CDC42EP3: variants seen among roughly 807,000 people sequenced by gnomAD.
CDC42EP3 encodes the protein CDC42 effector protein (Rho GTPase binding) 3.
CDC42EP3 carries 4 observed loss-of-function variants against 15.5 expected under a neutral mutation model. The ratio of observed to expected loss-of-function variants is 0.26; its 90% CI spans 0.13 to 0.59. The LOEUF is 0.59. Among genes scored for constraint, CDC42EP3 ranks in the 20% least tolerant of loss-of-function variants. The pLI is 0.89. For missense variants in CDC42EP3, 309 were observed against 311.2 expected (o/e 0.99, Z 0.05); for synonymous variants, 145 against 130.3 (o/e 1.11, Z -0.77).
intron 1 of CDC42EP3, among the ~76,000 whole-genome samples, chr2:37,665,120 C>T (rs994057600): frequency 1.3e-5 from 1 of 76,316 alleles, no homozygotes; most frequent in African/African-American, 5.9e-5. Flanking sequence ...CCTTAATAAA[C>T]TCCCCTTTAT....
intron 1 of CDC42EP3, among the ~76,000 whole-genome samples, chr2:37,670,956 G>T (rs908818587): frequency 1.3e-5 from 2 of 149,022 alleles, no homozygotes; most frequent in African/African-American, 4.9e-5. Flanking sequence ...TCTGCAGGTT[G>T]GCGCCCCACT....
chr2:37,658,096 C>T (rs1346943557), intron 1 of CDC42EP3, among the ~76,000 whole-genome samples: 1 of 152,106 alleles, frequency 6.6e-6, no homozygotes, highest in African/African-American at 2.4e-5. Flanking sequence ...ATGGCTGCTG[C>T]CCATCCCCCA....
Position 37,646,589 on chromosome 2 carries a change from T to G in CDC42EP3, c.-2A>C. The G allele has an allele frequency of 3.3e-6, 5 of 1,530,426 alleles. No homozygotes were observed. The highest frequency in any genetic ancestry group is 4.4e-6 in the Non-Finnish European group (5 of 1,143,272). The allele number at this position is 1,530,426 out of a possible 1,614,324, so 94.8% of individuals were successfully genotyped here. A position where few individuals can be genotyped will look rare whatever the true frequency, so the allele number is the denominator to read the frequency against. On this transcript the variant is annotated 5_prime_UTR_variant, in exon 2 of 2. Coordinates refer to ENST00000295324, the MANE Select transcript of CDC42EP3 (RefSeq NM_006449.5). ...GTAAATTGGGGTCTTGGCTGGCATT[T>G]TGGAATTTGAGAATGTCTATTTTGC... is the stretch of plus-strand genomic sequence containing the variant.
rs1444882345 is a variant in CDC42EP3, at chr2:37,643,605, T to C, written c.*2218A>G. ...AATGCACAGCCATACTCCTCCCCTT[T>C]TCATGAAATAGTTTCATCTTTACCT... is the stretch of plus-strand genomic sequence containing the variant. On this transcript the variant is annotated 3_prime_UTR_variant, in exon 2 of 2. Transcript: ENST00000295324. 2.0e-5 allele frequency: 3 copies of C among 152,186 alleles called. No homozygotes were observed. Among genetic ancestry groups the C allele is most frequent in the Non-Finnish European group, 2.9e-5 (2 of 68,050 alleles). 9.4% of individuals were successfully genotyped at this position (152,186 alleles called of 1,614,324 possible).
Position 37,646,379 on chromosome 2 carries a change from T to C in CDC42EP3, c.209A>G (p.Gln70Arg). ...QGNYELLPGN[Q>R]EKAHLGQFPG... ...GAACTGGCCCAGGTGTGCTTTCTCCTGGTTTCCAGGTAAAAGCTCGTAGTT... is the reference window on the plus strand; with the variant it reads ...GAACTGGCCCAGGTGTGCTTTCTCCCGGTTTCCAGGTAAAAGCTCGTAGTT... Residue 70 changes from glutamine to arginine, a missense_variant, in exon 2 of 2, where the codon CAG becomes CGG. Physicochemically the swap from Gln to Arg is conservative, Grantham distance 43. Coordinates refer to ENST00000295324, the MANE Select transcript of CDC42EP3 (RefSeq NM_006449.5). The C allele has an allele frequency of 6.2e-7, 1 of 1,614,026 alleles. No homozygotes were observed.
At chr2:37,667,013 T>C (rs1004187684) in intron 1 of CDC42EP3, among the ~76,000 whole-genome samples, 2 of 152,168 alleles carry the variant, frequency 1.3e-5, no homozygotes, top group African/African-American at 4.8e-5. Flanking sequence ...GACTGTCCTT[T>C]CCAGAACCCT....
At chr2:37,663,470 G>A (rs1258714483) in intron 1 of CDC42EP3, among the ~76,000 whole-genome samples, 8 of 152,230 alleles carry the variant, frequency 5.3e-5, no homozygotes, top group Admixed American at 4.6e-4. Context: ...GGACACATGG[G>A]TGCCAAGTTG....
intron 1 of CDC42EP3, among the ~76,000 whole-genome samples, chr2:37,659,572 AGT>A (rs1351402157): frequency 2.6e-5 from 4 of 152,372 alleles, no homozygotes; most frequent in South Asian, 4.1e-4. Flanking sequence ...ATGTGCAAAT[AGT>A]GTCTTAGGTA....
intron 1 of CDC42EP3, among the ~76,000 whole-genome samples, chr2:37,649,821 G>A (rs76866861): frequency 0.013 from 1,911 of 152,252 alleles, 29 homozygotes; most frequent in African/African-American, 0.043. Flanking sequence ...GAGGGAAGCA[G>A]CAAAGAAAAA....
At chr2:37,656,448 G>A (rs191918750) in intron 1 of CDC42EP3, among the ~76,000 whole-genome samples, 10 of 152,256 alleles carry the variant, frequency 6.6e-5, no homozygotes, top group African/African-American at 2.2e-4. Flanking sequence ...TTGCTCCCGG[G>A]GGCCAAACCC....
chr2:37,648,480 A>AACTC (rs1335095095), intron 1 of CDC42EP3, among the ~76,000 whole-genome samples: 4 of 152,348 alleles, frequency 2.6e-5, no homozygotes, highest in Admixed American at 1.3e-4. Context: ...AGTAACAGCT[A>AACTC]ACTCAATTTG....
At chr2:37,667,246 T>C (rs1020705710) in intron 1 of CDC42EP3, among the ~76,000 whole-genome samples, 1 of 152,212 alleles carries the variant, frequency 6.6e-6, no homozygotes, top group Non-Finnish European at 1.5e-5. Context: ...GCCCAGTGCC[T>C]TTCTGTTCAC....
intron 1 of CDC42EP3, among the ~76,000 whole-genome samples, chr2:37,650,639 G>A (rs1045953761): frequency 6.6e-6 from 1 of 152,198 alleles, no homozygotes; most frequent in African/African-American, 2.4e-5. Flanking sequence ...TACCAAGCAC[G>A]AAGCCACATG....
In CDC42EP3 at chr2:37,642,314, G is replaced by C. The variant is rs1158647449; in HGVS notation, c.*3509C>G. The stretch of plus-strand genomic sequence containing the variant: ...TAATTTTGGGTATTCTGGCCTTCCT[G>C]AATCTCATACAGCCAAACCAACCAG... On this transcript the variant is annotated 3_prime_UTR_variant, in exon 2 of 2. Transcript: ENST00000295324. 6.6e-6 allele frequency: 1 copy of C among 152,184 alleles called. No individual in the cohort carries two copies. Among genetic ancestry groups the C allele is most frequent in the Non-Finnish European group, 1.5e-5 (1 of 68,036 alleles). 9.4% of individuals were successfully genotyped at this position (152,184 alleles called of 1,614,324 possible).
rs180732829 is a variant in CDC42EP3, at chr2:37,643,635, G to A, written c.*2188C>T. 6.0e-4 allele frequency: 91 copies of A among 152,268 alleles called. No individual in the cohort carries two copies. Among genetic ancestry groups the A allele is most frequent in the African/African-American group, 2.0e-3 (83 of 41,550 alleles). The allele number at this position is 152,268 out of a possible 1,614,324, so 9.4% of individuals were successfully genotyped here. On this transcript the variant is annotated 3_prime_UTR_variant, in exon 2 of 2. Coordinates refer to ENST00000295324, the MANE Select transcript of CDC42EP3 (RefSeq NM_006449.5). ...GAAATAGTTTCATCTTTACCTTGAG[G>A]TCACGCTACAGATGAAGAGTAAAAT... is the stretch of plus-strand genomic sequence containing the variant.
chr2:37,671,578 T>G lies in CDC42EP3; in HGVS notation c.-388A>C, dbSNP rs1371726390. 1 of 151,912 alleles carries G rather than the reference T, an allele frequency of 6.6e-6. No individual in the cohort carries two copies. Among genetic ancestry groups the G allele is most frequent in the Non-Finnish European group, 1.5e-5 (1 of 67,986 alleles). The allele number at this position is 151,912 out of a possible 1,614,324, so 9.4% of individuals were successfully genotyped here. A position where few individuals can be genotyped will look rare whatever the true frequency, so the allele number is the denominator to read the frequency against. The stretch of plus-strand genomic sequence containing the variant: ...ACGGCGTGAAGGCGCCCCAGGCCGG[T>G]GGCCGGGTCTCCGGGCTAGCCCCGC... On this transcript the variant is annotated 5_prime_UTR_variant, in exon 1 of 2. Transcript: ENST00000295324.
chr2:37,656,616 T>C (rs989026096), intron 1 of CDC42EP3, among the ~76,000 whole-genome samples: 3 of 152,192 alleles, frequency 2.0e-5, no homozygotes, highest in African/African-American at 7.2e-5. Flanking sequence ...GAAGCAGTCT[T>C]AGATGAAGCC....
chr2:37,648,381 T>G (rs2124612059), intron 1 of CDC42EP3, among the ~76,000 whole-genome samples: 1 of 152,366 alleles, frequency 6.6e-6, no homozygotes. Context: ...TGTCTGCATC[T>G]GCCCCATATT....
At chr2:37,666,065 C>T (rs542502950) in intron 1 of CDC42EP3, among the ~76,000 whole-genome samples, 3 of 152,274 alleles carry the variant, frequency 2.0e-5, no homozygotes, top group South Asian at 2.1e-4. Context: ...GTTTTATCAG[C>T]GTTTGCCAGG....
Sources: gnomAD v4.1 joint callset for allele counts (sites outside exome capture counted in the v4.1 genomes callset) on GRCh38, gnomAD v4.1.1 for gene constraint, MANE v1.5 for transcripts, NCBI Gene and HGNC (gene_info 2026-07-23, HGNC 2026-07-21) for gene names.